Variants in NLRP13 observed in about 807,000 individuals in gnomAD.
The protein encoded by NLRP13 is NACHT, LRR and PYD domains-containing protein 13.
NLRP13 carries 82 observed loss-of-function variants against 94.4 expected under a neutral mutation model. The ratio of observed to expected loss-of-function variants is 0.87; its 90% confidence interval spans 0.73 to 1.04. The LOEUF (loss-of-function observed/expected upper bound fraction) is 1.04. NLRP13 is among the 50% of genes least tolerant of loss of function. The pLI, the probability that NLRP13 is intolerant of heterozygous loss-of-function variation, is 0.00. For synonymous variants in NLRP13, 553 were observed against 464.7 expected (o/e 1.19, Z -2.45); for missense variants, 1,426 against 1,230.8 (o/e 1.16, Z -2.37).
chr19:55,915,055 AAG>A (rs1371891098), intron 4 of NLRP13, among the ~76,000 whole-genome samples: 5 of 152,194 alleles, frequency 3.3e-5, no homozygotes, highest in African/African-American at 7.2e-5. Flanking sequence ...GCACGGGGAA[AAG>A]AGAGGGAAAG....
At chr19:55,905,424 TATAC>T (rs1986313016) in intron 7 of NLRP13, among the ~76,000 whole-genome samples, 1 of 150,554 alleles carries the variant, frequency 6.6e-6, no homozygotes, top group African/African-American at 2.4e-5. Flanking sequence ...TACACGTATA[TATAC>T]ACACACATAT....
Position 55,896,079 on chromosome 19 carries a change from G to C in NLRP13, c.2998C>G (p.Leu1000Val). 2 of 1,614,156 alleles carry C rather than the reference G, an allele frequency of 1.2e-6. No homozygotes were observed. The highest frequency in any genetic ancestry group is 1.7e-6 in the Non-Finnish European group (2 of 1,180,004). Residue 1000 changes from leucine to valine, a missense_variant, in exon 11 of 11, where the codon CTC (leucine) becomes GTC (valine). Transcript: ENST00000342929. ...TTACTGCTGCTGAGAACAGAGAAGA[G>C]ATGCTGGCAGCAAGCAGTTGTCAGA... The part of the protein sequence containing the change: ...CNLTTACCQH[L>V]FSVLSSSKSL...
At chr19:55,929,995 A>T (rs1024867508) in intron 1 of NLRP13, among the ~76,000 whole-genome samples, 3 of 152,176 alleles carry the variant, frequency 2.0e-5, no homozygotes, top group African/African-American at 7.2e-5. Flanking sequence ...GGGCTTTAAA[A>T]ATGAGAGAGG....
chr19:55,891,845 A>C (rs1985857562), downstream of NLRP13: 1 of 380,932 alleles, frequency 2.6e-6, no homozygotes. Context: ...CTGGGCGTGC[A>C]ATGGGCGGCC....
At chr19:55,929,388 A>G (rs1037105188) in intron 1 of NLRP13, among the ~76,000 whole-genome samples, 2 of 152,240 alleles carry the variant, frequency 1.3e-5, no homozygotes, top group Non-Finnish European at 2.9e-5. Context: ...ATGCCCATCA[A>G]TGATAGATTG....
chr19:55,926,998 G>A (rs1986980453), intron 1 of NLRP13, among the ~76,000 whole-genome samples: 1 of 151,770 alleles, frequency 6.6e-6, no homozygotes, highest in Admixed American at 6.6e-5. Flanking sequence ...AAGAAGAAAA[G>A]GGGTAGCAAC....
chr19:55,928,688 C>G (rs1987029549), intron 1 of NLRP13, among the ~76,000 whole-genome samples: 2 of 152,202 alleles, frequency 1.3e-5, no homozygotes, highest in African/African-American at 2.4e-5. Context: ...CAGTTGGAAA[C>G]AGAATTTAAG....
At chr19:55,915,777 C>T (rs899108760) in intron 4 of NLRP13, among the ~76,000 whole-genome samples, 11 of 152,070 alleles carry the variant, frequency 7.2e-5, no homozygotes, top group Admixed American at 1.3e-4. Flanking sequence ...CAACTTCACT[C>T]CCACCCCTCC....
chr19:55,903,286 A>G (rs574347823), intron 8 of NLRP13, among the ~76,000 whole-genome samples: 1 of 152,270 alleles, frequency 6.6e-6, no homozygotes, highest in Admixed American at 6.5e-5. Context: ...TGAGCAGTGA[A>G]CTGGCAAAGG....
Position 55,930,878 on chromosome 19 carries a change from A to T in NLRP13, c.319+1115T>A, listed in dbSNP as rs8101902. ...TACAGGAGATAGAATCAGTGATTAT[A>T]TATATATATATATATATATAAAATT... On this transcript the variant is annotated intron_variant, in intron 1 of 10. Transcript: ENST00000342929. Among the ~76,000 whole-genome samples the T allele has an allele frequency of 6.4e-4, 48 of 75,052 alleles. 1 individual carries two copies. In the East Asian group the frequency reaches 8.9e-3, roughly 14 times the overall value. 49.2% of individuals were successfully genotyped at this position (75,052 alleles called of 152,430 possible).
At chr19:55,927,182 A>G (rs977777892) in intron 1 of NLRP13, among the ~76,000 whole-genome samples, 2 of 152,042 alleles carry the variant, frequency 1.3e-5, no homozygotes, top group African/African-American at 4.8e-5. Context: ...CAGCCTGGCC[A>G]GCGTGGGGAA....
intron 1 of NLRP13, among the ~76,000 whole-genome samples, chr19:55,927,832 G>T (rs1427646533): frequency 1.3e-5 from 2 of 152,204 alleles, no homozygotes; most frequent in East Asian, 3.9e-4. Flanking sequence ...GGTTACCGTT[G>T]GTCAAATGGA....
chr19:55,896,686 G>A (rs1986021917), intron 10 of NLRP13, among the ~76,000 whole-genome samples: 1 of 151,690 alleles, frequency 6.6e-6, no homozygotes, highest in Non-Finnish European at 1.5e-5. Context: ...CAGGCGTGGT[G>A]GTGGGTGTCT....
intron 1 of NLRP13, among the ~76,000 whole-genome samples, chr19:55,931,558 A>T (rs112771554): frequency 6.6e-6 from 1 of 150,658 alleles, no homozygotes; most frequent in Admixed American, 6.7e-5. Context: ...AATACAAAAA[A>T]ATTAGCCGGG....
At chr19:55,910,461 G>A (rs1031155760) in intron 6 of NLRP13, 102 bp downstream of exon 6, 11 of 1,136,870 alleles carry the variant, frequency 9.7e-6, no homozygotes, top group East Asian at 2.4e-5. Context: ...TCCTGAGCAC[G>A]TAGCTTGCCT....
intron 9 of NLRP13, among the ~76,000 whole-genome samples, chr19:55,899,835 G>A (rs993755270): frequency 2.0e-5 from 3 of 152,114 alleles, no homozygotes; most frequent in African/African-American, 4.8e-5. Flanking sequence ...CAAAGGCCAA[G>A]TGTAAGAGAA....
rs541613024 is a variant in NLRP13 at position 55,914,897 on chromosome 19, C to T, written c.524-1604G>A. 9.2e-5 allele frequency among the ~76,000 whole-genome samples: 14 copies of T among 152,254 alleles called. No homozygotes were observed. In the East Asian group the frequency reaches 2.5e-3, roughly 27 times the overall value. On this transcript the variant is annotated intron_variant, in intron 4 of 10. Transcript: ENST00000342929. Reference sequence around the variant, plus strand: ...CTGCAATGAACATGGGAGTGAAAATCTCTTTGACATACTGATTTCTTCTTG... The same window carrying T: ...CTGCAATGAACATGGGAGTGAAAATTTCTTTGACATACTGATTTCTTCTTG...
At chr19:55,905,276 T>G (rs1446604223) in intron 7 of NLRP13, among the ~76,000 whole-genome samples, 164 bp from the exon 8 acceptor site, 2 of 151,780 alleles carry the variant, frequency 1.3e-5, no homozygotes, top group Non-Finnish European at 2.9e-5. Context: ...GCGCAGTGGC[T>G]GACGCCTGTA....
At chr19:55,908,377 TA>T (rs1217338203) in intron 6 of NLRP13, among the ~76,000 whole-genome samples, 5 of 152,168 alleles carry the variant, frequency 3.3e-5, no homozygotes, top group Non-Finnish European at 5.9e-5. Flanking sequence ...AGTTTAATAT[TA>T]AAAGAAAAAT....
Sources: gnomAD v4.1 joint callset for allele counts (sites outside exome capture counted in the v4.1 genomes callset) on GRCh38, gnomAD v4.1.1 for gene constraint, MANE v1.5 for transcripts, NCBI Gene and HGNC (gene_info 2026-07-23, HGNC 2026-07-21) for gene names.